The following RIT2 variants were observed in gnomAD, a reference collection of about 807,000 sequenced individuals.
RIT2 encodes the protein Ras like without CAAX 2.
RIT2 carries 24 observed loss-of-function variants against 23.7 expected under a neutral mutation model. That is an observed-to-expected ratio of 1.01 (90% CI 0.73 to 1.43). The LOEUF (loss-of-function observed/expected upper bound fraction) is 1.43. RIT2 is among the 40% of genes most tolerant of loss of function. The probability of loss-of-function intolerance (pLI) is 0.00; values close to 1 mark genes in which losing one functional copy is unlikely to be tolerated. For synonymous variants in RIT2, 107 were observed against 91.1 expected (o/e 1.17, Z -0.99); for missense variants, 236 against 266.9 (o/e 0.88, Z 0.81).
chr18:42,833,897 T>C (rs1906528260), intron 4 of RIT2, among the ~76,000 whole-genome samples: 1 of 151,914 alleles, frequency 6.6e-6, no homozygotes, highest in Non-Finnish European at 1.5e-5. Context: ...CTTCCTGTGG[T>C]GAAAAGGATT....
At chr18:42,922,534 T>C (rs1281004997) in intron 4 of RIT2, among the ~76,000 whole-genome samples, 2 of 152,182 alleles carry the variant, frequency 1.3e-5, no homozygotes, top group Non-Finnish European at 2.9e-5. Flanking sequence ...TCAGTAATGT[T>C]ACTTTGTACA....
chr18:42,750,237 A>G (rs1237981638), intron 4 of RIT2, among the ~76,000 whole-genome samples: 2 of 151,708 alleles, frequency 1.3e-5, no homozygotes, highest in Admixed American at 6.6e-5. Flanking sequence ...ACACAATTAC[A>G]TTTTTCGAGA....
At chr18:42,875,345 TA>T (rs1302895768) in intron 4 of RIT2, among the ~76,000 whole-genome samples, 71 of 150,668 alleles carry the variant, frequency 4.7e-4, no homozygotes, top group African/African-American at 1.6e-3. Context: ...TTTTTTTTTT[TA>T]AAAAAAGGTA....
chr18:43,004,727 A>G (rs1374435772), intron 2 of RIT2, among the ~76,000 whole-genome samples: 2 of 151,876 alleles, frequency 1.3e-5, no homozygotes, highest in Non-Finnish European at 2.9e-5. Context: ...ACCATTCACT[A>G]CAACAAAGTA....
intron 4 of RIT2, among the ~76,000 whole-genome samples, chr18:42,779,410 G>A (rs977276771): frequency 6.6e-6 from 1 of 152,140 alleles, no homozygotes. Flanking sequence ...ATCACATGGA[G>A]AAAATTCCCT....
At chr18:42,846,751 A>T (rs1227422335) in intron 4 of RIT2, among the ~76,000 whole-genome samples, 1 of 152,158 alleles carries the variant, frequency 6.6e-6, no homozygotes, top group Non-Finnish European at 1.5e-5. Flanking sequence ...AAAAATATTT[A>T]ATTAACAAAG....
chr18:43,003,341 T>C (rs73477465), intron 2 of RIT2, among the ~76,000 whole-genome samples: 3,418 of 152,070 alleles, frequency 0.022, 138 homozygotes, highest in African/African-American at 0.079. Context: ...AAATGAGAGA[T>C]TTACAAATGT....
intron 4 of RIT2, among the ~76,000 whole-genome samples, chr18:42,799,088 A>G (rs1905454736): frequency 6.6e-6 from 1 of 152,210 alleles, no homozygotes; most frequent in Non-Finnish European, 1.5e-5. Flanking sequence ...ATCAGGAGGG[A>G]ATTATTCTGA....
chr18:42,807,663 G>A (rs1276311231), intron 4 of RIT2, among the ~76,000 whole-genome samples: 1 of 152,084 alleles, frequency 6.6e-6, no homozygotes, highest in Non-Finnish European at 1.5e-5. Context: ...ATTTGAAACT[G>A]TTTATCCTGA....
intron 4 of RIT2, among the ~76,000 whole-genome samples, chr18:42,816,721 T>C (rs1460979030): frequency 1.3e-5 from 2 of 152,182 alleles, no homozygotes; most frequent in Admixed American, 6.5e-5. Context: ...CTACATCTGA[T>C]AATTAGTTTT....
Position 43,043,376 on chromosome 18 carries a change from C to T in RIT2, c.104-9509G>A, listed in dbSNP as rs901035904. Among the ~76,000 whole-genome samples the T allele has an allele frequency of 5.9e-5, 9 of 152,054 alleles. No homozygotes were observed. The East Asian group carries it at 9.6e-4, about 16-fold the overall frequency. On this transcript the variant is annotated intron_variant, in intron 1 of 4. Coordinates refer to ENST00000326695, the MANE Select transcript of RIT2 (RefSeq NM_002930.4). The stretch of plus-strand genomic sequence containing the variant: ...CTCTTACCTGAAAATTTATGCACCA[C>T]GTGGGCCATTGATATTTGCTGAGTA...
intron 4 of RIT2, among the ~76,000 whole-genome samples, chr18:42,899,528 G>T (rs1157007366): frequency 6.6e-6 from 1 of 151,854 alleles, no homozygotes; most frequent in Non-Finnish European, 1.5e-5. Context: ...TTATGAAAAG[G>T]CTTCCCATCC....
At chr18:42,877,520 CTATA>C (rs144405918) in intron 4 of RIT2, among the ~76,000 whole-genome samples, 3,261 of 143,720 alleles carry the variant, frequency 0.023, 134 homozygotes, top group African/African-American at 0.078. Context: ...TTTGTATACA[CTATA>C]TATATATATA....
chr18:43,010,083 G>T (rs1181960954), intron 2 of RIT2, among the ~76,000 whole-genome samples: 1 of 151,772 alleles, frequency 6.6e-6, no homozygotes, highest in Non-Finnish European at 1.5e-5. Flanking sequence ...ATAATTAATT[G>T]TTAAAATGTG....
In RIT2 at chr18:42,884,824, A is replaced by G. The variant is rs373423853; in HGVS notation, c.426+38748T>C. On this transcript the variant is annotated intron_variant, in intron 4 of 4. Coordinates refer to ENST00000326695, the MANE Select transcript of RIT2 (RefSeq NM_002930.4). ...GTTGGTTATAGTGCAATTAGTGGATATCACATAAGACCACCATTGGTTTCT... is the reference window on the plus strand; with the variant it reads ...GTTGGTTATAGTGCAATTAGTGGATGTCACATAAGACCACCATTGGTTTCT... Among the ~76,000 whole-genome samples the G allele has an allele frequency of 2.0e-5, 3 of 152,342 alleles. 1 individual carries two copies. Among genetic ancestry groups the G allele is most frequent in the South Asian group, 4.1e-4 (2 of 4,824 alleles).
At chr18:42,946,406 A>G (rs1008611806) in intron 3 of RIT2, among the ~76,000 whole-genome samples, 1 of 152,052 alleles carries the variant, frequency 6.6e-6, no homozygotes, top group Non-Finnish European at 1.5e-5. Context: ...AGACAACACA[A>G]AATTCTCGTG....
rs545585605 is a variant in RIT2 at position 42,972,507 on chromosome 18, TATG to T, written c.234+1564_234+1566del. Among the ~76,000 whole-genome samples the T allele has an allele frequency of 2.8e-3, 422 of 151,962 alleles. 1 individual carries two copies. The highest frequency in any genetic ancestry group is 9.6e-3 in the African/African-American group (397 of 41,536). ...TGAAAATAAGTACAAAGGGAAATAA[TATG>T]ATGAAGATTTGTGTATACATGATGT... On this transcript the variant is annotated intron_variant, in intron 3 of 4. Coordinates refer to ENST00000326695, the MANE Select transcript of RIT2 (RefSeq NM_002930.4).
At chr18:42,839,437 T>C (rs893856993) in intron 4 of RIT2, among the ~76,000 whole-genome samples, 2 of 152,228 alleles carry the variant, frequency 1.3e-5, no homozygotes, top group Admixed American at 6.5e-5. Flanking sequence ...AAAAAGCTTA[T>C]ATCTTGGCCT....
chr18:43,086,153 C>A (rs1332782566), intron 1 of RIT2, among the ~76,000 whole-genome samples: 1 of 152,086 alleles, frequency 6.6e-6, no homozygotes, highest in African/African-American at 2.4e-5. Context: ...GCTCAACATT[C>A]CTAACCCCAA....
Sources: gnomAD v4.1 joint callset for allele counts (sites outside exome capture counted in the v4.1 genomes callset) on GRCh38, gnomAD v4.1.1 for gene constraint, MANE v1.5 for transcripts, NCBI Gene and HGNC (gene_info 2026-07-23, HGNC 2026-07-21) for gene names.